Variants in AASS observed in about 807,000 individuals in gnomAD.
The protein encoded by AASS is aminoadipate-semialdehyde synthase.
In AASS, 86 loss-of-function variants were observed where a neutral mutation model predicts 105.4. That is an observed-to-expected ratio of 0.82 (90% CI 0.69 to 0.98). The LOEUF is 0.98. Among genes scored for constraint, AASS ranks in the 50% least tolerant of loss-of-function variants. The pLI, the probability that AASS is intolerant of heterozygous loss-of-function variation, is 0.00. For synonymous variants in AASS, 381 were observed against 394.8 expected, an observed-to-expected ratio of 0.96 and a Z score of 0.41; for missense variants, 1,048 against 1,143.2, an observed-to-expected ratio of 0.92 and a Z score of 1.20.
intron 19 of AASS, among the ~76,000 whole-genome samples, chr7:122,085,680 C>T (rs538597132): frequency 2.8e-4 from 42 of 152,032 alleles, no homozygotes; most frequent in Non-Finnish European, 5.3e-4. Flanking sequence ...GCACTGCCAC[C>T]ACTCTGCCAT....
At chr7:122,096,306 G>T (rs948680147) in intron 15 of AASS, among the ~76,000 whole-genome samples, 1 of 151,880 alleles carries the variant, frequency 6.6e-6, no homozygotes, top group Admixed American at 6.6e-5. Flanking sequence ...TATCACTGTG[G>T]TTATATCAAA....
chr7:122,079,665 A>G lies in AASS; in HGVS notation c.2328T>C (p.His776=), dbSNP rs1793217393. ...TAAGAACAGCTTCCTTCAACACATCATGCTCAGAGGAGGGTGAAATCCCAA... is the reference window on the plus strand; with the variant it reads ...TAAGAACAGCTTCCTTCAACACATCGTGCTCAGAGGAGGGTGAAATCCCAA... ...DLVGISPSSE[H]DVLKEAVLKK... is the part of the protein sequence containing the mutation. The change falls in exon 21 of 24, where the codon CAT becomes CAC. Residue 776 remains histidine (H), a synonymous_variant. Transcript: ENST00000417368. 1 of 1,613,826 alleles carries G rather than the reference A, an allele frequency of 6.2e-7. No individual in the cohort carries two copies. The highest frequency in any genetic ancestry group is 1.3e-5 in the African/African-American group (1 of 74,892).
At chr7:122,079,189 G>A (rs903539246) in intron 21 of AASS, 1 of 1,410,372 alleles carries the variant, frequency 7.1e-7, no homozygotes, top group Non-Finnish European at 9.2e-7. Context: ...ATGATGGATT[G>A]TAATCCCATG....
intron 1 of AASS, among the ~76,000 whole-genome samples, chr7:122,143,475 C>A (rs1198174852): frequency 6.6e-6 from 1 of 150,922 alleles, no homozygotes; most frequent in African/African-American, 2.4e-5. Flanking sequence ...CTCCCCGCGC[C>A]CCGTCCCGCG....
At chr7:122,079,763 T>G (rs778795092) in intron 20 of AASS, 51 bp from the exon 21 acceptor site, 1 of 1,279,168 alleles carries the variant, frequency 7.8e-7, no homozygotes, top group African/African-American at 1.5e-5. Context: ...AAATTTTTTT[T>G]TAATTGACTG....
At chr7:122,119,643 T>C (rs918828366) in intron 4 of AASS, among the ~76,000 whole-genome samples, 3 of 152,174 alleles carry the variant, frequency 2.0e-5, no homozygotes, top group Non-Finnish European at 4.4e-5. Flanking sequence ...ACATACAACA[T>C]AATGCACCCA....
intron 2 of AASS, among the ~76,000 whole-genome samples, chr7:122,132,056 T>C (rs1013295340): frequency 1.3e-5 from 2 of 152,332 alleles, no homozygotes; most frequent in Admixed American, 6.5e-5. Flanking sequence ...GTCCACACTT[T>C]GATAAACAAT....
At chr7:122,084,446 T>C (rs1287676930) in intron 19 of AASS, among the ~76,000 whole-genome samples, 4 of 152,178 alleles carry the variant, frequency 2.6e-5, no homozygotes, top group African/African-American at 9.7e-5. Context: ...GTAAGAAATA[T>C]AGTGGTTGTT....
intron 8 of AASS, among the ~76,000 whole-genome samples, chr7:122,116,093 T>C (rs1023898475): frequency 2.6e-5 from 4 of 152,190 alleles, no homozygotes; most frequent in Admixed American, 2.6e-4. Context: ...AGCACACAAA[T>C]ATATTTTATT....
In AASS at chr7:122,129,577, T is replaced by G; in HGVS notation, c.211-40A>C. On this transcript the variant is annotated intron_variant, in intron 2 of 23. Transcript: ENST00000417368. The stretch of plus-strand genomic sequence containing the variant: ...ATGATTAAAGGTTATTATCCTGATT[T>G]GTAATATCCATGTTTTCTTGAGCAA... 3 of 1,592,314 alleles carry G rather than the reference T, an allele frequency of 1.9e-6. 1 individual carries two copies. The South Asian group carries it at 3.3e-5, about 18-fold the overall frequency.
In AASS at chr7:122,118,295, G is replaced by C; in HGVS notation, c.687+12C>G. 1 of 1,613,660 alleles carries C rather than the reference G, an allele frequency of 6.2e-7. No individual in the cohort carries two copies. Among genetic ancestry groups the C allele is most frequent in the Non-Finnish European group, 8.5e-7 (1 of 1,179,956 alleles). Reference sequence around the variant, plus strand: ...TGGATTGTTTTACAAAAGGAAGTCAGGTAAAAGTTACCTTAGAAACATTAC... The same window carrying C: ...TGGATTGTTTTACAAAAGGAAGTCACGTAAAAGTTACCTTAGAAACATTAC... On this transcript the variant is annotated intron_variant, in intron 6 of 23. Transcript: ENST00000417368.
intron 15 of AASS, among the ~76,000 whole-genome samples, chr7:122,095,739 T>A (rs1405236): frequency 0.1 from 15,443 of 152,050 alleles, 1,071 homozygotes; most frequent in African/African-American, 0.19. Flanking sequence ...TTTGTTTCCT[T>A]AAACCAAAAA....
intron 16 of AASS, 40 bp from the exon 17 acceptor site, chr7:122,092,991 T>C (rs371726248): frequency 6.2e-6 from 10 of 1,611,598 alleles, no homozygotes; most frequent in Non-Finnish European, 7.6e-6. Context: ...AACTTGGATA[T>C]AAAATAAAAA....
chr7:122,130,251 G>T (rs1443438500), intron 2 of AASS, among the ~76,000 whole-genome samples: 1 of 151,950 alleles, frequency 6.6e-6, no homozygotes, highest in Non-Finnish European at 1.5e-5. Context: ...AATCTGAAAG[G>T]CTACCTGAAA....
intron 15 of AASS, among the ~76,000 whole-genome samples, chr7:122,095,975 G>A (rs1461840221): frequency 6.6e-6 from 1 of 152,106 alleles, no homozygotes; most frequent in African/African-American, 2.4e-5. Flanking sequence ...GAAGTAGAAT[G>A]ATAGGACTTT....
intron 19 of AASS, chr7:122,082,788 A>G: frequency 2.3e-6 from 3 of 1,284,672 alleles, no homozygotes; most frequent in African/African-American, 1.5e-5. Flanking sequence ...GGGAACTCAC[A>G]TAGATGGGGC....
In AASS at chr7:122,092,885, T is replaced by C; in HGVS notation, c.1833A>G (p.Leu611=). The change falls in exon 17 of 24, where the codon TTA becomes TTG. Residue 611 remains leucine (L), a synonymous_variant. Transcript: ENST00000417368. ...LGLDPGLDHM[L]AMETIDKAKE... ...TGGCTTTATCTATTGTTTCCATTGC[T>C]AACATGTGATCCAGACCAGGGTCCA... 1.9e-6 allele frequency: 3 copies of C among 1,613,970 alleles called. No homozygotes were observed. The highest frequency in any genetic ancestry group is 2.2e-5 in the East Asian group (1 of 44,862).
intron 2 of AASS, among the ~76,000 whole-genome samples, chr7:122,130,956 G>A (rs551655355): frequency 3.5e-4 from 52 of 150,414 alleles, no homozygotes; most frequent in Admixed American, 6.0e-4. Context: ...TTAAAAGAGT[G>A]TATATAGTAG....
intron 15 of AASS, among the ~76,000 whole-genome samples, chr7:122,095,467 G>A (rs1341950293): frequency 6.6e-6 from 1 of 150,736 alleles, no homozygotes; most frequent in African/African-American, 2.4e-5. Flanking sequence ...TGCCTATTTG[G>A]TAAAGCTGTC....
Sources: gnomAD v4.1 joint callset for allele counts (sites outside exome capture counted in the v4.1 genomes callset) on GRCh38, gnomAD v4.1.1 for gene constraint, MANE v1.5 for transcripts, NCBI Gene and HGNC (gene_info 2026-07-23, HGNC 2026-07-21) for gene names.